Variants in RHOT1 observed in about 807,000 individuals in gnomAD.
RHOT1 encodes the protein ras homolog family member T1, also known as mitochondrial Rho GTPase 1.
RHOT1 carries 27 observed loss-of-function variants against 95.3 expected under a neutral mutation model. The ratio of observed to expected loss-of-function variants is 0.28; its 90% CI spans 0.21 to 0.39. RHOT1 has a LOEUF of 0.39. Among genes scored for constraint, RHOT1 ranks in the 10% least tolerant of loss-of-function variants. RHOT1 has a pLI of 1.00. For synonymous variants in RHOT1, 227 were observed against 263.5 expected (o/e 0.86, Z 1.34); for missense variants, 578 against 786.7 (o/e 0.73, Z 3.17).
chr17:32,218,766 T>C (rs972899768), intron 19 of RHOT1, among the ~76,000 whole-genome samples: 1 of 152,114 alleles, frequency 6.6e-6, no homozygotes, highest in Non-Finnish European at 1.5e-5. Context: ...GTGAGCTGTG[T>C]TCATGCCATT....
intron 18 of RHOT1, among the ~76,000 whole-genome samples, chr17:32,209,939 CA>C (rs1187210464): frequency 2.2e-5 from 3 of 135,376 alleles, no homozygotes; most frequent in South Asian, 2.3e-4. Flanking sequence ...CATCACAAGT[CA>C]AAAAAAATGA....
intron 1 of RHOT1, among the ~76,000 whole-genome samples, chr17:32,164,396 G>A (rs2033856965): frequency 6.6e-6 from 1 of 151,646 alleles, no homozygotes; most frequent in Non-Finnish European, 1.5e-5. Flanking sequence ...ACCATGCTCA[G>A]CTAATTTTTG....
In RHOT1 at chr17:32,200,780, A is replaced by G. The variant is rs115287659; in HGVS notation, c.1101-176A>G. ...CAAAGTAAGGCCCTATCTTTCAAAA[A>G]AAAAAAAAAGAATGGCAGTGTAAGA... On this transcript the variant is annotated intron_variant, in intron 13 of 19. Transcript: ENST00000545287. Among the ~76,000 whole-genome samples, 968 of 152,200 alleles carry G rather than the reference A, an allele frequency of 6.4e-3. 8 individuals are homozygous for G. The highest frequency in any genetic ancestry group is 0.022 in the African/African-American group (911 of 41,530).
rs139898849 is a variant in RHOT1 at position 32,191,019 on chromosome 17, T to G, written c.541-1182T>G. On this transcript the variant is annotated intron_variant, in intron 8 of 19. Coordinates refer to ENST00000545287, the MANE Select transcript of RHOT1 (RefSeq NM_001033566.3). ...CATGTTAGCCAGGCTGGTCTCGAACTCTTGATCTCAGGTGATCTGCACTCC... is the reference window on the plus strand; with the variant it reads ...CATGTTAGCCAGGCTGGTCTCGAACGCTTGATCTCAGGTGATCTGCACTCC... Among the ~76,000 whole-genome samples, 6 of 152,338 alleles carry G rather than the reference T, an allele frequency of 3.9e-5. No homozygotes were observed. The East Asian group carries it at 1.2e-3, about 29-fold the overall frequency.
chr17:32,190,840 G>T (rs1392505066), intron 8 of RHOT1, among the ~76,000 whole-genome samples: 3 of 152,094 alleles, frequency 2.0e-5, no homozygotes, highest in Non-Finnish European at 2.9e-5. Context: ...TTGTCTCCCA[G>T]ACTGGAGTGC....
intron 1 of RHOT1, 46 bp downstream of exon 1, chr17:32,142,775 GC>G: frequency 6.9e-7 from 1 of 1,440,742 alleles, no homozygotes; most frequent in Middle Eastern, 2.4e-4. Context: ...TGCCCTCCCT[GC>G]CCCTGCAGCC....
chr17:32,186,659 C>T (rs1165431778), intron 8 of RHOT1, among the ~76,000 whole-genome samples: 1 of 151,924 alleles, frequency 6.6e-6, no homozygotes, highest in Non-Finnish European at 1.5e-5. Flanking sequence ...GCCACTGCGC[C>T]CGGCCCCCAT....
intron 19 of RHOT1, among the ~76,000 whole-genome samples, chr17:32,217,033 A>G (rs1202431073): frequency 2.0e-5 from 3 of 152,080 alleles, no homozygotes; most frequent in African/African-American, 7.2e-5. Flanking sequence ...ATAATTTTTA[A>G]ATTTTTTGTC....
intron 2 of RHOT1, chr17:32,173,092 A>G (rs1473707422): frequency 1.3e-5 from 2 of 152,228 alleles, no homozygotes; most frequent in African/African-American, 4.8e-5. Context: ...TCCTTAATGT[A>G]TTGTGTCTAT....
chr17:32,145,758 T>G (rs1243585234), intron 1 of RHOT1, among the ~76,000 whole-genome samples: 1 of 152,132 alleles, frequency 6.6e-6, no homozygotes. Context: ...CTCATGCCTA[T>G]TATCTCAGCA....
chr17:32,147,047 CT>C (rs1164046276), intron 1 of RHOT1, among the ~76,000 whole-genome samples: 1 of 148,018 alleles, frequency 6.8e-6, no homozygotes, highest in African/African-American at 2.5e-5. Flanking sequence ...CTGGCCTGCT[CT>C]TTTTTTATTT....
Position 32,224,848 on chromosome 17 carries a change from AT to A in RHOT1, c.*118del. 1 of 641,298 alleles carries A rather than the reference AT, an allele frequency of 1.6e-6. No homozygotes were observed. 39.7% of individuals were successfully genotyped at this position (641,298 alleles called of 1,614,324 possible). ...ATACATGCAGAGTTACTTTATTAAT[AT>A]TTGTAATTCATGCATAAGAGTATTT... On this transcript the variant is annotated 3_prime_UTR_variant, in exon 20 of 20. Coordinates refer to ENST00000545287, the MANE Select transcript of RHOT1 (RefSeq NM_001033566.3).
At chr17:32,197,459 C>T (rs1272618214) in intron 11 of RHOT1, among the ~76,000 whole-genome samples, 1 of 151,124 alleles carries the variant, frequency 6.6e-6, no homozygotes, top group Non-Finnish European at 1.5e-5. Context: ...GAGTCTCGCT[C>T]TGTCGCCCAG....
intron 3 of RHOT1, 128 bp downstream of exon 3, chr17:32,174,040 G>A (rs1463841981): frequency 1.9e-5 from 13 of 687,938 alleles, no homozygotes; most frequent in Non-Finnish European, 3.0e-5. Context: ...GATCCTTTAC[G>A]ATTCTTATCT....
At chr17:32,158,229 A>C (rs2033162432) in intron 1 of RHOT1, among the ~76,000 whole-genome samples, 2 of 152,222 alleles carry the variant, frequency 1.3e-5, no homozygotes, top group South Asian at 4.1e-4. Context: ...CTTAGAAGAC[A>C]ATCAGGTCAA....
At chr17:32,157,905 T>G (rs1355806888) in intron 1 of RHOT1, among the ~76,000 whole-genome samples, 1 of 151,972 alleles carries the variant, frequency 6.6e-6, no homozygotes, top group Non-Finnish European at 1.5e-5. Flanking sequence ...ATAGATTGGG[T>G]GTTTTGTTTT....
At chr17:32,170,574 C>G (rs2034496325) in intron 1 of RHOT1, among the ~76,000 whole-genome samples, 2 of 152,300 alleles carry the variant, frequency 1.3e-5, no homozygotes, top group South Asian at 4.1e-4. Context: ...TCACCACTAT[C>G]TGTACTTAAA....
At chr17:32,207,068 A>G in intron 17 of RHOT1, 39 bp downstream of exon 17, 17 of 1,561,940 alleles carry the variant, frequency 1.1e-5, no homozygotes, top group Non-Finnish European at 1.5e-5. Context: ...ATGTAACTTC[A>G]TATGGACTTT....
intron 2 of RHOT1, 41 bp downstream of exon 2, chr17:32,171,142 A>G (rs1170839996): frequency 3.8e-6 from 5 of 1,320,146 alleles, no homozygotes; most frequent in Non-Finnish European, 5.3e-6. Flanking sequence ...TAAAAAATTT[A>G]TCAAAATCAA....
Sources: gnomAD v4.1 joint callset for allele counts (sites outside exome capture counted in the v4.1 genomes callset) on GRCh38, gnomAD v4.1.1 for gene constraint, MANE v1.5 for transcripts, NCBI Gene and HGNC (gene_info 2026-07-23, HGNC 2026-07-21) for gene names.